ASDURF: variants seen among roughly 807,000 people sequenced by gnomAD.
ASDURF encodes ASNSD1 upstream open reading frame.
In ASDURF, 3 loss-of-function variants were observed where a neutral mutation model predicts 3.3. The ratio of observed to expected loss-of-function variants is 0.92; its 90% CI spans 0.42 to 2.37. The LOEUF is 2.37. Ranked by LOEUF, ASDURF falls within the 30% of genes most tolerant of loss-of-function variation. The probability of loss-of-function intolerance (pLI) is 0.05; values close to 1 mark genes in which losing one functional copy is unlikely to be tolerated. For synonymous variants in ASDURF, 11 were observed against 8.3 expected (o/e 1.32, Z -0.55); for missense variants, 23 against 25.4 (o/e 0.90, Z 0.21).
intron 1 of ASDURF, among the ~76,000 whole-genome samples, 200 bp downstream of exon 1, chr2:189,661,810 GA>G (rs1402688880): frequency 6.6e-6 from 1 of 152,224 alleles, no homozygotes; most frequent in South Asian, 2.1e-4. Context: ...GGGAGATCTT[GA>G]AATTTGTCCC....
In ASDURF at chr2:189,665,635, T is replaced by C. The variant is rs1457654271; in HGVS notation, c.220+184T>C. ...ATATATATATATATATATATATATA[T>C]ATATATATATATTATAAATGTTTTA... On this transcript the variant is annotated intron_variant, in intron 3 of 3. Coordinates refer to ENST00000607829, the MANE Select transcript of ASDURF (RefSeq NM_001353493.2). Among the ~76,000 whole-genome samples, 27 of 102,180 alleles carry C rather than the reference T, an allele frequency of 2.6e-4. 1 individual carries two copies. The highest frequency in any genetic ancestry group is 8.9e-4 in the African/African-American group (27 of 30,412). 67.0% of individuals were successfully genotyped at this position (102,180 alleles called of 152,430 possible).
At chr2:189,661,708 G>A (rs573642262) in intron 1 of ASDURF, 98 bp downstream of exon 1, 716 of 398,792 alleles carry the variant, frequency 1.8e-3, no homozygotes, top group Non-Finnish European at 2.7e-3. Context: ...GCCTGCCTGG[G>A]CCTCGGCTTT....
chr2:189,663,172 T>A (rs2032707341), intron 1 of ASDURF, among the ~76,000 whole-genome samples: 1 of 151,622 alleles, frequency 6.6e-6, no homozygotes, highest in Non-Finnish European at 1.5e-5. Context: ...TTTTTAAATC[T>A]AAATCACAAC....
intron 1 of ASDURF, among the ~76,000 whole-genome samples, chr2:189,662,802 A>G (rs991618739): frequency 2.0e-5 from 3 of 152,138 alleles, no homozygotes. Flanking sequence ...AATGAAGCCC[A>G]GGCCAGCATG....
intron 2 of ASDURF, among the ~76,000 whole-genome samples, chr2:189,664,296 A>G (rs2032737494): frequency 6.6e-6 from 1 of 152,216 alleles, no homozygotes; most frequent in South Asian, 2.1e-4. Context: ...ATGAGAAGAA[A>G]CTTTTCTTTT....
intron 1 of ASDURF, 66 bp downstream of exon 1, chr2:189,661,676 G>C (rs961710943): frequency 1.0e-5 from 4 of 399,016 alleles, no homozygotes; most frequent in Non-Finnish European, 1.8e-5. Context: ...CCCTGAAGGT[G>C]GTCCGCAGCG....
Position 189,661,525 on chromosome 2 carries a change from C to T in ASDURF, c.5C>T (p.Pro2Leu), listed in dbSNP as rs2032663099. Residue 2 changes from proline (P) to leucine (L), a missense_variant, in exon 1 of 4, where the codon CCC becomes CTC. Physicochemically the swap from Pro to Leu is moderately conservative, Grantham distance 98. Transcript: ENST00000607829. M[P>L]SRGTRPEDSS... is the part of the protein sequence containing the mutation. The stretch of plus-strand genomic sequence containing the variant: ...CGTGTCTTGCGCTCGGTGGAAATGC[C>T]CAGCCGAGGGACGCGACCAGAGGAC... The T allele has an allele frequency of 2.5e-6, 1 of 399,118 alleles. No homozygotes were observed. The highest frequency in any genetic ancestry group is 4.4e-5 in the Admixed American group (1 of 22,722). 24.7% of individuals were successfully genotyped at this position (399,118 alleles called of 1,614,324 possible). A position where few individuals can be genotyped will look rare whatever the true frequency, so the allele number is the denominator to read the frequency against.
chr2:189,663,410 C>T (rs1198598846), intron 1 of ASDURF, among the ~76,000 whole-genome samples: 3 of 152,018 alleles, frequency 2.0e-5, no homozygotes, highest in African/African-American at 7.2e-5. Flanking sequence ...TGTGCCACTA[C>T]GCTTGGCTAA....
In ASDURF at chr2:189,666,256, GA is replaced by G; in HGVS notation, c.*146del. 6.2e-7 allele frequency: 1 copy of G among 1,614,106 alleles called. No homozygotes were observed. Among genetic ancestry groups the G allele is most frequent in the Non-Finnish European group, 8.5e-7 (1 of 1,179,998 alleles). The stretch of plus-strand genomic sequence containing the variant: ...TAGTAGTAAACAATTGTTAAAGTCT[GA>G]TGTTAACTACCAGTGTTTATTTTCT... On this transcript the variant is annotated 3_prime_UTR_variant, in exon 4 of 4. Coordinates refer to ENST00000607829, the MANE Select transcript of ASDURF (RefSeq NM_001353493.2).
intron 3 of ASDURF, among the ~76,000 whole-genome samples, 193 bp downstream of exon 3, chr2:189,665,644 A>ATATATATATATATATATATATATG (rs1455945789): frequency 1.6e-4 from 20 of 123,740 alleles, no homozygotes; most frequent in South Asian, 2.4e-4. Context: ...ATATATATAT[A>ATATATATATATATATATATATATG]TATTATAAAT....
intron 1 of ASDURF, among the ~76,000 whole-genome samples, chr2:189,662,948 C>T (rs1183503841): frequency 3.1e-4 from 24 of 76,922 alleles, no homozygotes; most frequent in South Asian, 9.7e-4. Context: ...GACCCTGTTT[C>T]AAAAAAAAAA....
chr2:189,665,813 T>C (rs1403555634), intron 3 of ASDURF, among the ~76,000 whole-genome samples: 2 of 151,764 alleles, frequency 1.3e-5, no homozygotes, highest in African/African-American at 2.4e-5. Context: ...TAAAAGTGCT[T>C]AGCCAAGTGC....
chr2:189,665,011 A>C (rs1016214953), intron 2 of ASDURF, among the ~76,000 whole-genome samples: 1 of 152,220 alleles, frequency 6.6e-6, no homozygotes, highest in Non-Finnish European at 1.5e-5. Context: ...GTAATATATT[A>C]TATCTATATA....
rs1053258566 is a variant in ASDURF at position 189,664,525 on chromosome 2, T to C, written c.144+571T>C. On this transcript the variant is annotated intron_variant, in intron 2 of 3. Coordinates refer to ENST00000607829, the MANE Select transcript of ASDURF (RefSeq NM_001353493.2). ...TGAGTTTGAGCTCTTAAAAGCTTTGTAAAGATTATGTAATAACTGGCTGGT... is the reference window on the plus strand; with the variant it reads ...TGAGTTTGAGCTCTTAAAAGCTTTGCAAAGATTATGTAATAACTGGCTGGT... Among the ~76,000 whole-genome samples the C allele has an allele frequency of 7.9e-5, 12 of 152,366 alleles. 1 individual carries two copies. The highest frequency in any genetic ancestry group is 5.9e-4 in the Admixed American group (9 of 15,308).
intron 1 of ASDURF, among the ~76,000 whole-genome samples, chr2:189,661,954 C>A (rs1201011981): frequency 6.6e-6 from 1 of 152,154 alleles, no homozygotes; most frequent in African/African-American, 2.4e-5. Context: ...GTTAACCATG[C>A]CAGCAACCCG....
intron 3 of ASDURF, 30 bp from the exon 4 acceptor site, chr2:189,666,011 T>C (rs980243756): frequency 1.8e-6 from 2 of 1,128,640 alleles, no homozygotes; most frequent in Non-Finnish European, 2.4e-6. Flanking sequence ...TTTTATGTTA[T>C]TTAATATTTA....
Position 189,661,537 on chromosome 2 carries a change from C to T in ASDURF, c.17C>T (p.Thr6Met), listed in dbSNP as rs2032663586. The T allele has an allele frequency of 2.5e-6, 1 of 399,246 alleles. No homozygotes were observed. Among genetic ancestry groups the T allele is most frequent in the Non-Finnish European group, 4.4e-6 (1 of 226,240 alleles). The allele number at this position is 399,246 out of a possible 1,614,324, so 24.7% of individuals were successfully genotyped here. The change falls in exon 1 of 4, where the codon ACG becomes ATG. Residue 6 changes from threonine (T) to methionine (M), a missense_variant. Thr to Met is a moderately conservative substitution (Grantham distance 81). Coordinates refer to ENST00000607829, the MANE Select transcript of ASDURF (RefSeq NM_001353493.2). ...TCGGTGGAAATGCCCAGCCGAGGGA[C>T]GCGACCAGAGGACAGCTCTGTGCTG... MPSRG[T>M]RPEDSSVLIP...
chr2:189,663,158 C>CT (rs1041047699), intron 1 of ASDURF, among the ~76,000 whole-genome samples: 26 of 151,406 alleles, frequency 1.7e-4, no homozygotes, highest in Admixed American at 1.4e-3. Context: ...ATTCAATTTG[C>CT]TTTTTTTTAA....
intron 2 of ASDURF, among the ~76,000 whole-genome samples, chr2:189,664,650 G>A (rs1426419054): frequency 1.3e-5 from 2 of 152,026 alleles, no homozygotes; most frequent in African/African-American, 2.4e-5. Flanking sequence ...TCAGGAGGCC[G>A]AGGCACAAGA....
Sources: allele counts gnomAD v4.1 joint callset (sites outside exome capture counted in the v4.1 genomes callset), GRCh38; gene constraint gnomAD v4.1.1; transcripts MANE v1.5; gene names NCBI Gene and HGNC (gene_info 2026-07-23, HGNC 2026-07-21).